IQSEC3: variants seen among roughly 807,000 people sequenced by gnomAD.
The protein encoded by IQSEC3 is IQ motif and SEC7 domain-containing protein 3.
IQSEC3 carries 50 observed loss-of-function variants against 105.4 expected under a neutral mutation model. That is an observed-to-expected ratio of 0.47 (90% CI 0.38 to 0.60). The LOEUF is 0.60. Ranked by LOEUF, IQSEC3 falls within the 20% of genes least tolerant of loss-of-function variation. The pLI is 0.00. For synonymous variants in IQSEC3, 708 were observed against 746.0 expected, an observed-to-expected ratio of 0.95 and a Z score of 0.83; for missense variants, 1,415 against 1,630.0, an observed-to-expected ratio of 0.87 and a Z score of 2.27.
chr12:174,225 T>A (rs899089425), intron 13 of IQSEC3, among the ~76,000 whole-genome samples: 10 of 152,090 alleles, frequency 6.6e-5, no homozygotes, highest in Non-Finnish European at 1.3e-4. Context: ...AGCACACTCC[T>A]GGGAGGGGCA....
intron 2 of IQSEC3, among the ~76,000 whole-genome samples, chr12:123,026 G>A (rs1278977954): frequency 1.3e-5 from 2 of 152,206 alleles, no homozygotes; most frequent in Non-Finnish European, 2.9e-5. Context: ...TGCTCCAGGG[G>A]AAGAGATGTC....
chr12:141,336 G>A, intron 5 of IQSEC3, 51 bp downstream of exon 5: 2 of 1,572,234 alleles, frequency 1.3e-6, no homozygotes, highest in Non-Finnish European at 1.7e-6. Flanking sequence ...CACCCCACCT[G>A]CCCGGGCTCT....
At chr12:119,908 C>T (rs1372702013) in intron 2 of IQSEC3, among the ~76,000 whole-genome samples, 5 of 152,170 alleles carry the variant, frequency 3.3e-5, no homozygotes, top group Non-Finnish European at 5.9e-5. Context: ...AGCAGCTGAG[C>T]GAGAAGTCCT....
intron 1 of IQSEC3, among the ~76,000 whole-genome samples, chr12:71,817 C>T (rs1353554024): frequency 7.9e-5 from 12 of 152,264 alleles, no homozygotes; most frequent in African/African-American, 1.7e-4. Context: ...TCTGCCTATC[C>T]TCTTGTTCTT....
At chr12:104,305 G>A (rs1864566762) in intron 2 of IQSEC3, among the ~76,000 whole-genome samples, 1 of 152,182 alleles carries the variant, frequency 6.6e-6, no homozygotes, top group Non-Finnish European at 1.5e-5. Context: ...TCAAAGAGCT[G>A]CTGCTAGAAT....
At chr12:158,720 G>A (rs572220493) in intron 7 of IQSEC3, among the ~76,000 whole-genome samples, 1 of 152,270 alleles carries the variant, frequency 6.6e-6, no homozygotes, top group South Asian at 2.1e-4. Flanking sequence ...GTGCAGTGGT[G>A]CAGTCTCAGC....
intron 2 of IQSEC3, among the ~76,000 whole-genome samples, chr12:111,321 A>T (rs1045436977): frequency 6.6e-6 from 1 of 152,220 alleles, no homozygotes; most frequent in African/African-American, 2.4e-5. Context: ...TTTGGGCCAG[A>T]TAAAACAACA....
At chr12:158,370 G>A (rs1182782194) in intron 7 of IQSEC3, among the ~76,000 whole-genome samples, 1 of 152,128 alleles carries the variant, frequency 6.6e-6, no homozygotes, top group Non-Finnish European at 1.5e-5. Context: ...GCAGGCTTCT[G>A]CTTCGCTTTT....
At chr12:89,012 A>G (rs1555072736) in intron 1 of IQSEC3, among the ~76,000 whole-genome samples, 1 of 152,228 alleles carries the variant, frequency 6.6e-6, no homozygotes, top group Non-Finnish European at 1.5e-5. Flanking sequence ...AGTAAAATAA[A>G]TAAGGCAGGT....
chr12:110,810 G>A (rs1864857091), intron 2 of IQSEC3, among the ~76,000 whole-genome samples: 1 of 152,072 alleles, frequency 6.6e-6, no homozygotes, highest in Admixed American at 6.5e-5. Flanking sequence ...CTTGCTAGAG[G>A]CACACTCACA....
intron 3 of IQSEC3, among the ~76,000 whole-genome samples, chr12:133,147 A>G (rs556734667): frequency 8.5e-5 from 13 of 152,290 alleles, no homozygotes; most frequent in African/African-American, 3.1e-4. Flanking sequence ...CCACCTGGGG[A>G]GCACGTTTAC....
intron 2 of IQSEC3, among the ~76,000 whole-genome samples, chr12:104,086 A>G (rs1555077216): frequency 1.3e-5 from 2 of 152,100 alleles, no homozygotes; most frequent in Non-Finnish European, 2.9e-5. Context: ...GACATAGTGA[A>G]CACATTATTT....
At position 66,852 on chromosome 12, in the gene IQSEC3, C is replaced by G; in HGVS notation, c.-31C>G. ...TCGCGCTCCCCGCCGCCAGCCCAGG[C>G]GCAGGCAGGGCGCAGGCGGCGGCGG... On this transcript the variant is annotated 5_prime_UTR_variant, in exon 1 of 14. Coordinates refer to ENST00000538872, the MANE Select transcript of IQSEC3 (RefSeq NM_001170738.2). 2 of 1,379,896 alleles carry G rather than the reference C, an allele frequency of 1.4e-6. No homozygotes were observed. The highest frequency in any genetic ancestry group is 9.4e-7 in the Non-Finnish European group (1 of 1,068,840). 85.5% of individuals were successfully genotyped at this position (1,379,896 alleles called of 1,614,324 possible).
chr12:116,433 G>A (rs895299245), intron 2 of IQSEC3, among the ~76,000 whole-genome samples: 10 of 152,098 alleles, frequency 6.6e-5, no homozygotes, highest in East Asian at 1.9e-4. Flanking sequence ...CAGCATCCCC[G>A]GCATTTCCGT....
rs1253972167 is a variant in IQSEC3 at position 140,938 on chromosome 12, C to T, written c.1992-186C>T. 6 of 565,136 alleles carry T rather than the reference C, an allele frequency of 1.1e-5. No individual in the cohort carries two copies. In the East Asian group the frequency reaches 1.7e-4, roughly 16 times the overall value. The allele number at this position is 565,136 out of a possible 1,614,324, so 35.0% of individuals were successfully genotyped here. ...TTGTTTGCAGATCTCCCCTGTCCTC[C>T]TTCTGGTCACACACCATCCTCTGCG... On this transcript the variant is annotated intron_variant, in intron 4 of 13. Transcript: ENST00000538872.
intron 1 of IQSEC3, among the ~76,000 whole-genome samples, chr12:74,081 A>G (rs868906858): frequency 2.0e-4 from 31 of 152,314 alleles, no homozygotes; most frequent in Admixed American, 1.4e-3. Context: ...GGAAAATTAC[A>G]GTCTCATCTA....
At chr12:108,746 GTCTGGC>G (rs1297046155) in intron 2 of IQSEC3, among the ~76,000 whole-genome samples, 18 of 152,250 alleles carry the variant, frequency 1.2e-4, no homozygotes, top group Non-Finnish European at 2.5e-4. Flanking sequence ...GCTCTGCCGG[GTCTGGC>G]TCTGGGCCAA....
chr12:146,711 G>A (rs1866290133), intron 5 of IQSEC3, among the ~76,000 whole-genome samples: 1 of 151,942 alleles, frequency 6.6e-6, no homozygotes. Context: ...AGGAAGGGAG[G>A]GAGGGAGGGA....
At chr12:130,618 C>T (rs906206447) in intron 3 of IQSEC3, among the ~76,000 whole-genome samples, 2 of 152,208 alleles carry the variant, frequency 1.3e-5, no homozygotes, top group African/African-American at 4.8e-5. Flanking sequence ...CATGACCTCA[C>T]TACTAGCTGA....
Sources: allele counts gnomAD v4.1 joint callset (sites outside exome capture counted in the v4.1 genomes callset), GRCh38; gene constraint gnomAD v4.1.1; transcripts MANE v1.5; gene names NCBI Gene and HGNC (gene_info 2026-07-23, HGNC 2026-07-21).